Variants in OXR1 observed in about 807,000 individuals in gnomAD.
The protein encoded by OXR1 is oxidation resistance 1, also known as oxidation resistance protein 1.
OXR1 carries 41 observed loss-of-function variants against 104.6 expected under a neutral mutation model. That is an observed-to-expected ratio of 0.39 (90% CI 0.31 to 0.51). The LOEUF (loss-of-function observed/expected upper bound fraction) is 0.51. OXR1 is among the 20% of genes least tolerant of loss of function. The pLI is 0.77. For synonymous variants in OXR1, 348 were observed against 348.4 expected (o/e 1.00, Z 0.01); for missense variants, 955 against 1,031.9 (o/e 0.93, Z 1.02).
chr8:106,716,738 TTGAAG>T (rs1444802398), intron 11 of OXR1, among the ~76,000 whole-genome samples: 1 of 152,076 alleles, frequency 6.6e-6, no homozygotes, highest in East Asian at 1.9e-4. Context: ...CTGATTAATA[TTGAAG>T]TGATAATATT....
At chr8:106,428,805 G>C (rs750743761) in intron 2 of OXR1, among the ~76,000 whole-genome samples, 1 of 151,898 alleles carries the variant, frequency 6.6e-6, no homozygotes, top group Non-Finnish European at 1.5e-5. Flanking sequence ...AACTTAGCAC[G>C]TACCGAGGAA....
chr8:106,505,573 G>A (rs1475165693), intron 2 of OXR1, among the ~76,000 whole-genome samples: 2 of 152,158 alleles, frequency 1.3e-5, no homozygotes, highest in Admixed American at 1.3e-4. Context: ...GGTGAAGTGG[G>A]AGCTAGGGAA....
chr8:106,341,466 A>G (rs774362702), intron 1 of OXR1, among the ~76,000 whole-genome samples: 7 of 151,826 alleles, frequency 4.6e-5, no homozygotes, highest in Non-Finnish European at 8.8e-5. Context: ...TATGTTAATG[A>G]AACAAAGATA....
At chr8:106,742,135 C>G in intron 14 of OXR1, 87 bp from the exon 15 acceptor site, 1 of 779,114 alleles carries the variant, frequency 1.3e-6, no homozygotes, top group South Asian at 1.6e-5. Flanking sequence ...CTATTTTTTG[C>G]ATTTTATTTA....
chr8:106,553,076 G>C (rs956821053), intron 3 of OXR1, among the ~76,000 whole-genome samples: 7 of 151,992 alleles, frequency 4.6e-5, no homozygotes, highest in African/African-American at 1.7e-4. Flanking sequence ...AAACCAAAGA[G>C]AGAAAAAAAA....
At chr8:106,511,977 CAT>C (rs957965357) in intron 2 of OXR1, among the ~76,000 whole-genome samples, 10 of 152,166 alleles carry the variant, frequency 6.6e-5, no homozygotes, top group African/African-American at 2.4e-4. Flanking sequence ...GCGTGTATAA[CAT>C]GTGGCCTTTT....
intron 11 of OXR1, among the ~76,000 whole-genome samples, chr8:106,735,224 T>C (rs1489057171): frequency 2.6e-5 from 4 of 151,668 alleles, no homozygotes; most frequent in South Asian, 2.1e-4. Flanking sequence ...TTTTTTTTTT[T>C]CTTACAGTTT....
At chr8:106,592,756 T>G (rs1819196187) in intron 3 of OXR1, among the ~76,000 whole-genome samples, 1 of 152,144 alleles carries the variant, frequency 6.6e-6, no homozygotes, top group Non-Finnish European at 1.5e-5. Context: ...GTAGGGAGCT[T>G]GGATTTTATT....
chr8:106,482,174 T>C (rs1822165535), intron 2 of OXR1, among the ~76,000 whole-genome samples: 1 of 151,952 alleles, frequency 6.6e-6, no homozygotes, highest in Non-Finnish European at 1.5e-5. Context: ...AACATCAAGC[T>C]GCCCTCATGG....
At chr8:106,456,653 G>A (rs760356799) in intron 2 of OXR1, among the ~76,000 whole-genome samples, 1 of 152,028 alleles carries the variant, frequency 6.6e-6, no homozygotes, top group Non-Finnish European at 1.5e-5. Context: ...TTTGCAGCTT[G>A]CATAATCTAT....
At chr8:106,581,140 G>A in intron 3 of OXR1, 3 of 1,262,828 alleles carry the variant, frequency 2.4e-6, no homozygotes, top group Non-Finnish European at 2.0e-6. Context: ...TAGAATTTTG[G>A]ATGGAAATAA....
intron 1 of OXR1, among the ~76,000 whole-genome samples, chr8:106,298,304 G>A (rs1813087484): frequency 6.6e-6 from 1 of 152,184 alleles, no homozygotes; most frequent in South Asian, 2.1e-4. Context: ...AGAAGGCAAA[G>A]GATGAGCAAA....
intron 3 of OXR1, among the ~76,000 whole-genome samples, chr8:106,639,229 A>C (rs1823425454): frequency 6.6e-6 from 1 of 152,090 alleles, no homozygotes; most frequent in South Asian, 2.1e-4. Context: ...GTTCATTTTA[A>C]ATTTCAGTCT....
intron 3 of OXR1, among the ~76,000 whole-genome samples, chr8:106,667,973 A>G (rs1001264941): frequency 6.6e-6 from 1 of 151,798 alleles, no homozygotes; most frequent in Admixed American, 6.6e-5. Context: ...TTCTAAAAAA[A>G]AAAAAAAGAA....
intron 1 of OXR1, among the ~76,000 whole-genome samples, chr8:106,309,048 G>T (rs1053184800): frequency 6.6e-6 from 1 of 151,064 alleles, no homozygotes; most frequent in Non-Finnish European, 1.5e-5. Context: ...GCACAATCAT[G>T]GCTCACTGCA....
chr8:106,511,496 G>A (rs750498440), intron 2 of OXR1, among the ~76,000 whole-genome samples: 4 of 151,990 alleles, frequency 2.6e-5, no homozygotes, highest in Non-Finnish European at 5.9e-5. Flanking sequence ...GGCCTTTGGG[G>A]CACAGTCATT....
chr8:106,363,786 G>A (rs1053219535), intron 2 of OXR1, among the ~76,000 whole-genome samples: 2 of 152,086 alleles, frequency 1.3e-5, no homozygotes, highest in African/African-American at 4.8e-5. Flanking sequence ...TTTCTGCTGT[G>A]GGGAAAATTA....
chr8:106,482,974 G>A (rs1051267607), intron 2 of OXR1, among the ~76,000 whole-genome samples: 8 of 151,952 alleles, frequency 5.3e-5, no homozygotes, highest in African/African-American at 7.2e-5. Context: ...TAATGACACC[G>A]AACATGTGAA....
At chr8:106,427,414 G>A (rs987601713) in intron 2 of OXR1, among the ~76,000 whole-genome samples, 10 of 152,008 alleles carry the variant, frequency 6.6e-5, no homozygotes, top group African/African-American at 2.2e-4. Context: ...TGATCTGCCC[G>A]CCTCAGCCTC....
Sources: allele counts gnomAD v4.1 joint callset (sites outside exome capture counted in the v4.1 genomes callset), GRCh38; gene constraint gnomAD v4.1.1; transcripts MANE v1.5; gene names NCBI Gene and HGNC (gene_info 2026-07-23, HGNC 2026-07-21).